Variants in KDM3B observed in about 807,000 individuals in gnomAD.
The protein encoded by KDM3B is lysine demethylase 3B.
A neutral mutation model predicts 170.0 loss-of-function variants in KDM3B; 10 were observed. The ratio of observed to expected loss-of-function variants is 0.06; its 90% CI spans 0.04 to 0.10. KDM3B has a LOEUF of 0.10. Ranked by LOEUF, KDM3B falls within the 10% of genes least tolerant of loss-of-function variation. The pLI is 1.00. For synonymous variants in KDM3B, 831 were observed against 834.8 expected (o/e 1.00, Z 0.08); for missense variants, 1,394 against 2,195.2 (o/e 0.64, Z 7.29).
chr5:138,429,077 C>CA (rs971824195), intron 20 of KDM3B, among the ~76,000 whole-genome samples: 3 of 151,502 alleles, frequency 2.0e-5, no homozygotes, highest in Non-Finnish European at 4.4e-5. Context: ...CACTGTGCCT[C>CA]ACTTTACATT....
At chr5:138,379,843 C>G (rs1762084312) in intron 5 of KDM3B, 135 bp downstream of exon 5, 1 of 748,918 alleles carries the variant, frequency 1.3e-6, no homozygotes, top group South Asian at 2.7e-5. Context: ...TTGTATAACC[C>G]CTAGAAAGGC....
intron 1 of KDM3B, among the ~76,000 whole-genome samples, chr5:138,366,162 C>T (rs1259955892): frequency 6.6e-6 from 1 of 152,060 alleles, no homozygotes; most frequent in East Asian, 1.9e-4. Context: ...CATCTTTCCA[C>T]ATTAGTCTAT....
chr5:138,407,311 A>C (rs987795069), intron 11 of KDM3B, among the ~76,000 whole-genome samples: 2 of 152,176 alleles, frequency 1.3e-5, no homozygotes, highest in Admixed American at 6.6e-5. Flanking sequence ...TACAGCTTAG[A>C]TATAATGGAC....
At chr5:138,370,457 T>A (rs576428088) in intron 1 of KDM3B, among the ~76,000 whole-genome samples, 24 of 152,294 alleles carry the variant, frequency 1.6e-4, no homozygotes, top group Admixed American at 4.6e-4. Flanking sequence ...TTCATATCAT[T>A]ATAATTTTTA....
At chr5:138,367,917 G>A (rs1226402744) in intron 1 of KDM3B, among the ~76,000 whole-genome samples, 1 of 152,008 alleles carries the variant, frequency 6.6e-6, no homozygotes, top group Non-Finnish European at 1.5e-5. Flanking sequence ...GAAGGCTGAG[G>A]CAGGAGAATC....
chr5:138,360,927 C>G (rs927644507), intron 1 of KDM3B, among the ~76,000 whole-genome samples: 1 of 152,162 alleles, frequency 6.6e-6, no homozygotes, highest in Non-Finnish European at 1.5e-5. Context: ...ACTTGCTTCA[C>G]TAACTCCCCA....
chr5:138,389,984 C>T (rs1416956630), intron 7 of KDM3B, among the ~76,000 whole-genome samples: 1 of 151,950 alleles, frequency 6.6e-6, no homozygotes, highest in Admixed American at 6.6e-5. Context: ...CTCAGCCTTC[C>T]GAGTAGCTGG....
intron 10 of KDM3B, 93 bp from the exon 11 acceptor site, chr5:138,399,767 G>A: frequency 1.7e-6 from 2 of 1,178,062 alleles, no homozygotes; most frequent in Non-Finnish European, 2.4e-6. Flanking sequence ...TTTTATTGCT[G>A]AACAAAATAG....
At chr5:138,396,107 CTTCTT>C (rs1762538666) in intron 9 of KDM3B, among the ~76,000 whole-genome samples, 1 of 150,954 alleles carries the variant, frequency 6.6e-6, no homozygotes, top group Non-Finnish European at 1.5e-5. Flanking sequence ...ATAGACAACT[CTTCTT>C]TTTTTTTAGA....
rs1763666779 is a variant in KDM3B at position 138,436,091 on chromosome 5, T to C, written c.*391T>C. 1 of 219,734 alleles carries C rather than the reference T, an allele frequency of 4.6e-6. No homozygotes were observed. 13.6% of individuals were successfully genotyped at this position (219,734 alleles called of 1,614,324 possible). A position where few individuals can be genotyped will look rare whatever the true frequency, so the allele number is the denominator to read the frequency against. ...TTGGAGATAGGGGAAATCACATAAC[T>C]GGTACAAGTATGGGGTAATTGCTTA... is the stretch of plus-strand genomic sequence containing the variant. On this transcript the variant is annotated 3_prime_UTR_variant, in exon 24 of 24. Coordinates refer to ENST00000314358, the MANE Select transcript of KDM3B (RefSeq NM_016604.4).
At chr5:138,376,433 G>C (rs565810177) in intron 3 of KDM3B, among the ~76,000 whole-genome samples, 4 of 151,934 alleles carry the variant, frequency 2.6e-5, no homozygotes, top group African/African-American at 9.7e-5. Context: ...GGCCAGGCGC[G>C]GTGGCTCACG....
In KDM3B at chr5:138,353,114, G is replaced by C. The variant is rs964064871; in HGVS notation, c.192+127G>C. The C allele has an allele frequency of 5.1e-5, 41 of 803,050 alleles. 1 individual carries two copies. In the Middle Eastern group the frequency reaches 3.1e-3, roughly 60 times the overall value. 49.7% of individuals were successfully genotyped at this position (803,050 alleles called of 1,614,324 possible). A position where few individuals can be genotyped will look rare whatever the true frequency, so the allele number is the denominator to read the frequency against. On this transcript the variant is annotated intron_variant, in intron 1 of 23. Coordinates refer to ENST00000314358, the MANE Select transcript of KDM3B (RefSeq NM_016604.4). Reference sequence around the variant, plus strand: ...ATTTCCGTGCCCCCGGGTCTCCTTAGCGCCCCCCGCCGGCACCTCCGCACC... The same window carrying C: ...ATTTCCGTGCCCCCGGGTCTCCTTACCGCCCCCCGCCGGCACCTCCGCACC...
At chr5:138,396,439 T>C (rs1230255171) in intron 9 of KDM3B, among the ~76,000 whole-genome samples, 1 of 151,988 alleles carries the variant, frequency 6.6e-6, no homozygotes, top group Non-Finnish European at 1.5e-5. Context: ...AGCAGATAAA[T>C]GGAGGGAGGG....
chr5:138,420,489 T>G (rs1474466493), intron 14 of KDM3B, among the ~76,000 whole-genome samples: 1 of 152,088 alleles, frequency 6.6e-6, no homozygotes. Context: ...GAAATTCAGA[T>G]CTGGTAAAGA....
intron 12 of KDM3B, among the ~76,000 whole-genome samples, 200 bp downstream of exon 12, chr5:138,415,439 A>T (rs75313335): frequency 0.24 from 36,390 of 151,564 alleles, 4,857 homozygotes; most frequent in East Asian, 0.56. Flanking sequence ...TTGAAGAGAC[A>T]CTTCTGTATT....
Position 138,375,625 on chromosome 5 carries a change from G to A in KDM3B, c.474+419G>A, listed in dbSNP as rs182428954. On this transcript the variant is annotated intron_variant, in intron 3 of 23. Coordinates refer to ENST00000314358, the MANE Select transcript of KDM3B (RefSeq NM_016604.4). Reference sequence around the variant, plus strand: ...GATCTCCTGACCTCGTGATCCGCCCGCCTCGGCCTCCCAAAGTGCTGGGAT... The same window carrying A: ...GATCTCCTGACCTCGTGATCCGCCCACCTCGGCCTCCCAAAGTGCTGGGAT... Among the ~76,000 whole-genome samples, 802 of 152,042 alleles carry A rather than the reference G, an allele frequency of 5.3e-3. 7 individuals are homozygous for A. Among genetic ancestry groups the A allele is most frequent in the African/African-American group, 0.017 (719 of 41,474 alleles).
chr5:138,391,470 G>T lies in KDM3B; in HGVS notation c.1838G>T (p.Arg613Leu). The T allele has an allele frequency of 6.2e-7, 1 of 1,614,050 alleles. No individual in the cohort carries two copies. The highest frequency in any genetic ancestry group is 8.5e-7 in the Non-Finnish European group (1 of 1,180,008). Residue 613 changes from arginine (R) to leucine (L), a missense_variant, in exon 8 of 24, where the codon CGT (arginine) becomes CTT (leucine). Physicochemically the swap from Arg to Leu is moderately radical, Grantham distance 102 (BLOSUM62 -2). Transcript: ENST00000314358. The surrounding 1 kb of genome is among the most constrained non-coding windows in gnomAD (Gnocchi z 5.0). ...PAFPRSLLNA[R>L]TPENHENLFL... ...TTCCCACGGAGCCTCCTAAATGCCCGTACCCCAGAGAATCATGAAAATCTA... is the reference window on the plus strand; with the variant it reads ...TTCCCACGGAGCCTCCTAAATGCCCTTACCCCAGAGAATCATGAAAATCTA...
intron 20 of KDM3B, among the ~76,000 whole-genome samples, chr5:138,428,361 G>A (rs982437033): frequency 6.6e-5 from 10 of 152,026 alleles, no homozygotes; most frequent in African/African-American, 2.4e-4. Context: ...ACAGGTGCCT[G>A]CCACCACGCC....
chr5:138,420,756 G>T lies in KDM3B; in HGVS notation c.3766G>T (p.Gly1256Trp), dbSNP rs1763252123. The change falls in exon 15 of 24, where the codon GGG (glycine) becomes TGG (tryptophan). Residue 1256 changes from glycine to tryptophan, a missense_variant. Physicochemically the swap from Gly to Trp is radical, Grantham distance 184. Transcript: ENST00000314358. ...VLNKESHSPFGLDSFNSTAKV... is the reference protein window; with the variant it reads ...VLNKESHSPFWLDSFNSTAKV... ...CAATAAAGAGTCTCATTCACCCTTT[G>T]GGCTGGACTCGTTCAACTCCACTGC... is the stretch of plus-strand genomic sequence containing the variant. 6.2e-7 allele frequency: 1 copy of T among 1,613,914 alleles called. No individual in the cohort carries two copies. The highest frequency in any genetic ancestry group is 8.5e-7 in the Non-Finnish European group (1 of 1,180,022).
Sources: allele counts gnomAD v4.1 joint callset (sites outside exome capture counted in the v4.1 genomes callset), GRCh38; gene constraint gnomAD v4.1.1; non-coding constraint Gnocchi (gnomAD v3.1); transcripts MANE v1.5; gene names NCBI Gene and HGNC (gene_info 2026-07-23, HGNC 2026-07-21).